CYP2C8: variants seen among roughly 807,000 people sequenced by gnomAD.
CYP2C8 encodes cytochrome P450 family 2 subfamily C member 8.
In CYP2C8, 51 loss-of-function variants were observed where a neutral mutation model predicts 41.3. The ratio of observed to expected loss-of-function variants is 1.24; its 90% CI spans 0.99 to 1.56. CYP2C8 has a LOEUF of 1.56. CYP2C8 is among the 40% of genes most tolerant of loss of function. The pLI, the probability that CYP2C8 is intolerant of heterozygous loss-of-function variation, is 0.00. For synonymous variants in CYP2C8, 218 were observed against 205.8 expected, an observed-to-expected ratio of 1.06 and a Z score of -0.51; for missense variants, 651 against 579.9, an observed-to-expected ratio of 1.12 and a Z score of -1.26.
intron 5 of CYP2C8, 33 bp downstream of exon 5, chr10:95,058,302 A>G (rs1444883452): frequency 6.2e-7 from 1 of 1,611,254 alleles, no homozygotes; most frequent in Admixed American, 1.7e-5. Context: ...ATGGACAAGA[A>G]ATCAAAATAC....
In CYP2C8 at chr10:95,064,820, G is replaced by T; in HGVS notation, c.622C>A (p.Leu208Met). ...MKRFNENFRI[L>M]NSPWIQVCNN... ...CTTACCTGGATCCATGGGGAGTTCA[G>T]AATCCTGAAGTTTTCATTGAATCTT... The change falls in exon 4 of 9, where the codon CTG (leucine) becomes ATG (methionine). Residue 208 changes from leucine to methionine, a missense_variant. Physicochemically the swap from Leu to Met is conservative, Grantham distance 15. Coordinates refer to ENST00000371270, the MANE Select transcript of CYP2C8 (RefSeq NM_000770.3). The T allele has an allele frequency of 6.2e-7, 1 of 1,613,946 alleles. No individual in the cohort carries two copies. Among genetic ancestry groups the T allele is most frequent in the Non-Finnish European group, 8.5e-7 (1 of 1,179,940 alleles).
At chr10:95,046,323 A>C (rs2033108763) in intron 5 of CYP2C8, among the ~76,000 whole-genome samples, 1 of 152,216 alleles carries the variant, frequency 6.6e-6, no homozygotes, top group Non-Finnish European at 1.5e-5. Context: ...ATGATTCTGA[A>C]GGCTGGGAAG....
At chr10:95,064,002 A>AG (rs891549436) in intron 4 of CYP2C8, among the ~76,000 whole-genome samples, 1 of 152,138 alleles carries the variant, frequency 6.6e-6, no homozygotes, top group Admixed American at 6.5e-5. Context: ...TTTGTCTCAG[A>AG]GGGGTACCCA....
At chr10:95,048,752 G>A (rs2033157319) in intron 5 of CYP2C8, among the ~76,000 whole-genome samples, 2 of 152,246 alleles carry the variant, frequency 1.3e-5, no homozygotes, top group South Asian at 2.1e-4. Flanking sequence ...GTGCTTGGCT[G>A]ATATTACCCA....
chr10:95,068,955 G>A (rs946558407), intron 1 of CYP2C8, among the ~76,000 whole-genome samples: 1 of 152,014 alleles, frequency 6.6e-6, no homozygotes, highest in Admixed American at 6.6e-5. Flanking sequence ...CAGTTACTCG[G>A]GGGAGGCTGA....
At position 95,069,466 on chromosome 10, in the gene CYP2C8, C is replaced by A; in HGVS notation, c.-64G>T. 7.6e-7 allele frequency: 1 copy of A among 1,317,190 alleles called. No homozygotes were observed. The highest frequency in any genetic ancestry group is 1.7e-5 in the Admixed American group (1 of 57,794). The allele number at this position is 1,317,190 out of a possible 1,614,324, so 81.6% of individuals were successfully genotyped here. On this transcript the variant is annotated 5_prime_UTR_variant, in exon 1 of 9. It adds an upstream start codon to the 5' untranslated region. Transcript: ENST00000371270. ...CACTCCAAAGTTTTTATAACACTCC[C>A]TGCTAATTTAGTGTGTGTCTCTTTG...
chr10:95,060,102 G>A (rs1278756317), intron 4 of CYP2C8, among the ~76,000 whole-genome samples: 1 of 152,036 alleles, frequency 6.6e-6, no homozygotes, highest in African/African-American at 2.4e-5. Flanking sequence ...TGTTCTTTTG[G>A]CTTAGGATTG....
chr10:95,060,499 C>A (rs965064807), intron 4 of CYP2C8, among the ~76,000 whole-genome samples: 1 of 151,938 alleles, frequency 6.6e-6, no homozygotes, highest in Non-Finnish European at 1.5e-5. Context: ...ATTTTGTATC[C>A]CGAGACATTG....
intron 3 of CYP2C8, 69 bp downstream of exon 3, chr10:95,067,139 G>A: frequency 6.2e-7 from 1 of 1,609,066 alleles, no homozygotes; most frequent in Non-Finnish European, 8.5e-7. Context: ...CCCCTGAAAT[G>A]TTTCCAAGGA....
intron 3 of CYP2C8, 28 bp from the exon 4 acceptor site, chr10:95,064,988 T>C: frequency 7.1e-7 from 1 of 1,407,918 alleles, no homozygotes; most frequent in Non-Finnish European, 9.3e-7. Context: ...TTTAAAAAAA[T>C]TATTAAAAAA....
At chr10:95,040,533 A>G (rs771071989) in intron 7 of CYP2C8, among the ~76,000 whole-genome samples, 7 of 152,222 alleles carry the variant, frequency 4.6e-5, no homozygotes, top group African/African-American at 7.2e-5. Context: ...ATCTGGATGA[A>G]TACAGAAACC....
In CYP2C8 at chr10:95,069,224, G is replaced by A; in HGVS notation, c.168+11C>T. On this transcript the variant is annotated intron_variant, in intron 1 of 8. Coordinates refer to ENST00000371270, the MANE Select transcript of CYP2C8 (RefSeq NM_000770.3). ...TTTGCAATTGGCTGGAGGAACATAA[G>A]GCAGACTTACATTGGTGAAAGATTT... 1 of 1,614,058 alleles carries A rather than the reference G, an allele frequency of 6.2e-7. No individual in the cohort carries two copies. Among genetic ancestry groups the A allele is most frequent in the Non-Finnish European group, 8.5e-7 (1 of 1,179,962 alleles).
rs766093000 is a variant in CYP2C8 at position 95,064,942 on chromosome 10, G to A, written c.500C>T (p.Thr167Ile). The A allele has an allele frequency of 1.3e-5, 20 of 1,584,648 alleles. No individual in the cohort carries two copies. In the South Asian group the frequency reaches 1.8e-4, roughly 14 times the overall value. Residue 167 changes from threonine (T) to isoleucine (I), a missense_variant, in exon 4 of 9, where the codon ACT (threonine) becomes ATT (isoleucine). Thr to Ile is a moderately conservative substitution (Grantham distance 89). Transcript: ENST00000371270. ...GCAGGGAGCACAGCCCAGGATGAAA[G>A]TGGGATCACAGGGTGAAGCTAAAGA... Reference protein sequence around the residue: ...RKTKASPCDPTFILGCAPCNV... With the variant: ...RKTKASPCDPIFILGCAPCNV...
chr10:95,047,672 T>C (rs1419183298), intron 5 of CYP2C8, among the ~76,000 whole-genome samples: 3 of 152,136 alleles, frequency 2.0e-5, no homozygotes, highest in East Asian at 1.9e-4. Context: ...ACTGCCTATA[T>C]TGGATAAAGA....
At position 95,037,275 on chromosome 10, in the gene CYP2C8, G is replaced by A; in HGVS notation, c.1326C>T (p.Arg442=). The change falls in exon 9 of 9, where the codon CGC becomes CGT. Residue 442 remains arginine (R), a synonymous_variant. Coordinates refer to ENST00000371270, the MANE Select transcript of CYP2C8 (RefSeq NM_000770.3). ...KRICAGEGLA[R]MELFLFLTTI... ...TGGTTAGAAATAAAAATAGCTCCATGCGGGCAAGTCCTTCTCCTGCACAAA... is the reference window on the plus strand; with the variant it reads ...TGGTTAGAAATAAAAATAGCTCCATACGGGCAAGTCCTTCTCCTGCACAAA... 5 of 1,613,706 alleles carry A rather than the reference G, an allele frequency of 3.1e-6. No homozygotes were observed. The highest frequency in any genetic ancestry group is 4.2e-6 in the Non-Finnish European group (5 of 1,179,820).
intron 7 of CYP2C8, 152 bp from the exon 8 acceptor site, chr10:95,039,190 A>G (rs2032948547): frequency 5.7e-6 from 4 of 706,404 alleles, no homozygotes; most frequent in African/African-American, 5.3e-5. Context: ...GCTTAAGGCC[A>G]GTGGTGGAAG....
chr10:95,038,687 A>T lies in CYP2C8; in HGVS notation c.1291+210T>A, dbSNP rs181273161. Among the ~76,000 whole-genome samples, 27 of 152,304 alleles carry T rather than the reference A, an allele frequency of 1.8e-4. No individual in the cohort carries two copies. In the East Asian group the frequency reaches 4.4e-3, roughly 25 times the overall value. ...AAGATGTTCATTTTCTCAATTGGGA[A>T]CAACAGAGTTAACTCCTGCAAGCCC... is the stretch of plus-strand genomic sequence containing the variant. On this transcript the variant is annotated intron_variant, in intron 8 of 8. Coordinates refer to ENST00000371270, the MANE Select transcript of CYP2C8 (RefSeq NM_000770.3).
In CYP2C8 at chr10:95,039,010, G is replaced by C. The variant is rs201421851; in HGVS notation, c.1178C>G (p.Ser393Cys). Residue 393 changes from serine (S) to cysteine (C), a missense_variant, in exon 8 of 9, where the codon TCC (serine) becomes TGC (cysteine). Ser to Cys is a moderately radical substitution (Grantham distance 112). Coordinates refer to ENST00000371270, the MANE Select transcript of CYP2C8 (RefSeq NM_000770.3). ...KGTTIMALLT[S>C]VLHDDKEFPN... is the part of the protein sequence containing the mutation. ...AAATTCTTTGTCATCATGTAGCACG[G>C]AAGTCAGTAATGCCATTATGGTTGT... 4.3e-6 allele frequency: 7 copies of C among 1,613,740 alleles called. No individual in the cohort carries two copies. The Admixed American group carries it at 8.3e-5, about 19-fold the overall frequency.
At position 95,056,661 on chromosome 10, in the gene CYP2C8, T is replaced by C. The variant is rs148939344; in HGVS notation, c.819+1674A>G. 2.3e-3 allele frequency among the ~76,000 whole-genome samples: 355 copies of C among 152,292 alleles called. 1 individual carries two copies. The highest frequency in any genetic ancestry group is 8.3e-3 in the African/African-American group (343 of 41,568). ...AGAAGCCAGGAAAAAAGATCACATA[T>C]GCCATGGGTCAAATGTTATACTCAT... On this transcript the variant is annotated intron_variant, in intron 5 of 8. Coordinates refer to ENST00000371270, the MANE Select transcript of CYP2C8 (RefSeq NM_000770.3).
Sources: allele counts gnomAD v4.1 joint callset (sites outside exome capture counted in the v4.1 genomes callset), GRCh38; gene constraint gnomAD v4.1.1; transcripts MANE v1.5; gene names NCBI Gene and HGNC (gene_info 2026-07-23, HGNC 2026-07-21).